DDX59: variants seen among roughly 807,000 people sequenced by gnomAD.
DDX59 encodes DEAD-box helicase 59, also known as probable ATP-dependent RNA helicase DDX59.
Under a neutral mutation model 51.9 loss-of-function variants are expected in DDX59, and 30 were observed. The ratio of observed to expected loss-of-function variants is 0.58; its 90% CI spans 0.43 to 0.78. The LOEUF is 0.78. DDX59 is among the 30% of genes least tolerant of loss of function. DDX59 has a pLI of 0.00. For missense variants in DDX59, 672 were observed against 730.8 expected, an observed-to-expected ratio of 0.92 and a Z score of 0.93; for synonymous variants, 255 against 253.3, an observed-to-expected ratio of 1.01 and a Z score of -0.06.
chr1:200,641,341 C>T, downstream of DDX59: 1 of 588,448 alleles, frequency 1.7e-6, no homozygotes, highest in Non-Finnish European at 2.6e-6. Flanking sequence ...ATCAGTGAGT[C>T]ACAGTTTAAA....
At position 200,659,074 on chromosome 1, in the gene DDX59, G is replaced by A. The variant is rs1454378259; in HGVS notation, c.1015C>T (p.Gln339Ter). 1.2e-6 allele frequency: 2 copies of A among 1,613,696 alleles called. No homozygotes were observed. Among genetic ancestry groups the A allele is most frequent in the East Asian group, 2.2e-5 (1 of 44,846 alleles). Residue 339 changes from glutamine to a stop codon, truncating the protein, a stop_gained, in exon 4 of 8, where the codon CAG becomes TAG. Coordinates refer to ENST00000331314, the MANE Select transcript of DDX59 (RefSeq NM_001031725.6). LOFTEE classifies it high-confidence loss of function. ...TPGRLLDIIKQSSVELCGVKI... is the reference protein window; with the variant it reads ...TPGRLLDIIK The stretch of plus-strand genomic sequence containing the variant: ...ACACCACAGAGTTCTACAGAGCTCT[G>A]CTTTATTATATCCAGAAGTCGCCCA...
At chr1:200,649,628 CA>C (rs60657099) in intron 5 of DDX59, among the ~76,000 whole-genome samples, 4 of 120,708 alleles carry the variant, frequency 3.3e-5, no homozygotes, top group Non-Finnish European at 3.2e-5. Context: ...GATTCCGTCA[CA>C]AAAAAAAAAA....
At position 200,666,500 on chromosome 1, in the gene DDX59, C is replaced by G. The variant is rs373594365; in HGVS notation, c.241G>C (p.Ala81Pro). Reference sequence around the variant, plus strand: ...TCTTCAGAAGGATGGCTGTCCTTCGCACCCTGCTCGGGACTTACTGAATGA... The same window carrying G: ...TCTTCAGAAGGATGGCTGTCCTTCGGACCCTGCTCGGGACTTACTGAATGA... ...EVHSVSPEQG[A>P]KDSHPSEEPV... Residue 81 changes from alanine to proline, a missense_variant, in exon 2 of 8, where the codon GCG becomes CCG. By Grantham distance (27) the Ala-to-Pro change is conservative. Transcript: ENST00000331314. 7 of 1,614,092 alleles carry G rather than the reference C, an allele frequency of 4.3e-6. No individual in the cohort carries two copies. The highest frequency in any genetic ancestry group is 5.1e-6 in the Non-Finnish European group (6 of 1,180,046).
chr1:200,655,686 G>GT (rs1239917613), intron 4 of DDX59, among the ~76,000 whole-genome samples: 2 of 152,108 alleles, frequency 1.3e-5, no homozygotes, highest in African/African-American at 4.8e-5. Flanking sequence ...ACATCCTCTA[G>GT]TTTTCTCAAT....
chr1:200,659,208 G>A lies in DDX59; in HGVS notation c.973-92C>T, dbSNP rs540949424. 185 of 958,788 alleles carry A rather than the reference G, an allele frequency of 1.9e-4. 1 individual carries two copies. In the South Asian group the frequency reaches 2.4e-3, roughly 13 times the overall value. The allele number at this position is 958,788 out of a possible 1,614,324, so 59.4% of individuals were successfully genotyped here. On this transcript the variant is annotated intron_variant, in intron 3 of 7. Coordinates refer to ENST00000331314, the MANE Select transcript of DDX59 (RefSeq NM_001031725.6). ...TTGATTGAGCAACTAATATGTACCA[G>A]ACACTGTGTTAAGCACCCAGAATTC... is the stretch of plus-strand genomic sequence containing the variant.
At position 200,664,073 on chromosome 1, in the gene DDX59, G is replaced by A; in HGVS notation, c.818C>T (p.Ser273Phe). 6.8e-6 allele frequency: 11 copies of A among 1,611,414 alleles called. No individual in the cohort carries two copies. Among genetic ancestry groups the A allele is most frequent in the Non-Finnish European group, 8.5e-6 (10 of 1,179,388 alleles). ...TCTGGTTGGTGTAAGAATGAGCGCAGATGGAGTTTTGCTCTGCAAAGATGT... is the reference window on the plus strand; with the variant it reads ...TCTGGTTGGTGTAAGAATGAGCGCAAATGGAGTTTTGCTCTGCAAAGATGT... ...MRALFESKTP[S>F]ALILTPTREL... Residue 273 changes from serine (S) to phenylalanine (F), a missense_variant, in exon 3 of 8, where the codon TCT becomes TTT. By Grantham distance (155) the Ser-to-Phe change is radical. Coordinates refer to ENST00000331314, the MANE Select transcript of DDX59 (RefSeq NM_001031725.6).
intron 7 of DDX59, among the ~76,000 whole-genome samples, chr1:200,645,011 G>T (rs2102830266): frequency 6.6e-6 from 1 of 151,602 alleles, no homozygotes. Context: ...GCCTCCACCA[G>T]CATATTTTTA....
chr1:200,647,222 G>GCAGTC (rs1661345660), intron 7 of DDX59, among the ~76,000 whole-genome samples: 1 of 152,206 alleles, frequency 6.6e-6, no homozygotes, highest in South Asian at 2.1e-4. Flanking sequence ...AAGACAGGTA[G>GCAGTC]CAGTCAGTGA....
chr1:200,650,208 C>T (rs1661569108), intron 5 of DDX59, among the ~76,000 whole-genome samples: 1 of 152,078 alleles, frequency 6.6e-6, no homozygotes, highest in South Asian at 2.1e-4. Flanking sequence ...AAATATAATT[C>T]TATAAGGAAA....
intron 1 of DDX59, 141 bp downstream of exon 1, chr1:200,669,626 G>C (rs1663033895): frequency 6.6e-6 from 1 of 152,318 alleles, no homozygotes; most frequent in African/African-American, 2.4e-5. Context: ...GTTCCGGGTA[G>C]AGGCCTGGGA....
intron 6 of DDX59, 40 bp downstream of exon 6, chr1:200,649,034 G>A: frequency 2.0e-6 from 3 of 1,496,800 alleles, no homozygotes; most frequent in East Asian, 2.4e-5. Flanking sequence ...AGGCAGAACA[G>A]ATTTATAGAA....
chr1:200,642,408 G>A (rs1571599547), downstream of DDX59, among the ~76,000 whole-genome samples: 1 of 152,022 alleles, frequency 6.6e-6, no homozygotes, highest in African/African-American at 2.4e-5. Flanking sequence ...TTTCTTTCAT[G>A]AACTAATGAT....
chr1:200,659,338 A>G (rs904545575), intron 3 of DDX59, among the ~76,000 whole-genome samples: 1 of 152,228 alleles, frequency 6.6e-6, no homozygotes, highest in African/African-American at 2.4e-5. Context: ...ACACTAAGCC[A>G]TAACTGGAGG....
intron 1 of DDX59, among the ~76,000 whole-genome samples, chr1:200,667,559 T>C (rs1357158316): frequency 2.6e-5 from 4 of 152,208 alleles, no homozygotes; most frequent in Non-Finnish European, 5.9e-5. Flanking sequence ...GTACACATGG[T>C]CTATTTCCGT....
At chr1:200,661,658 C>T (rs1035506676) in intron 3 of DDX59, among the ~76,000 whole-genome samples, 1 of 152,174 alleles carries the variant, frequency 6.6e-6, no homozygotes, top group Admixed American at 6.5e-5. Context: ...ATGACAAAGA[C>T]ACAACAACTA....
intron 7 of DDX59, among the ~76,000 whole-genome samples, chr1:200,645,263 C>G (rs1661225529): frequency 6.6e-6 from 1 of 152,100 alleles, no homozygotes; most frequent in Admixed American, 6.6e-5. Flanking sequence ...TATACTAAAT[C>G]ATCTTTGCAT....
rs1170737051 is a variant in DDX59, at chr1:200,649,100, G to T, written c.1441C>A (p.Gln481Lys). 1 of 1,567,058 alleles carries T rather than the reference G, an allele frequency of 6.4e-7. No individual in the cohort carries two copies. The highest frequency in any genetic ancestry group is 8.6e-7 in the Non-Finnish European group (1 of 1,164,718). Reference sequence around the variant, plus strand: ...TTCAATATGTTTTTCCTTTCTATTTGCGACTTCTCTGAATGTATAGATATG... The same window carrying T: ...TTCAATATGTTTTTCCTTTCTATTTTCGACTTCTCTGAATGTATAGATATG... ...KSISIHSEKS[Q>K]IERKNILKGL... Residue 481 changes from glutamine (Q) to lysine (K), a missense_variant, in exon 6 of 8, where the codon CAA becomes AAA. Physicochemically the swap from Gln to Lys is moderately conservative, Grantham distance 53. Transcript: ENST00000331314.
At chr1:200,645,956 T>TA (rs1462545012) in intron 7 of DDX59, among the ~76,000 whole-genome samples, 5 of 151,894 alleles carry the variant, frequency 3.3e-5, no homozygotes, top group African/African-American at 1.2e-4. Context: ...AAAATAAAAA[T>TA]AAAAAAGTAG....
chr1:200,665,814 A>T, intron 2 of DDX59, 123 bp downstream of exon 2: 1 of 1,024,518 alleles, frequency 9.8e-7, no homozygotes, highest in Non-Finnish European at 1.4e-6. Flanking sequence ...TACAGGCACT[A>T]GTGACTAAAA....
Sources: allele counts gnomAD v4.1 joint callset (sites outside exome capture counted in the v4.1 genomes callset), GRCh38; gene constraint gnomAD v4.1.1; transcripts MANE v1.5; gene names NCBI Gene and HGNC (gene_info 2026-07-23, HGNC 2026-07-21).